FAT3: variants seen among roughly 807,000 people sequenced by gnomAD.
FAT3 encodes the protein FAT atypical cadherin 3, also known as protocadherin Fat 3.
Under a neutral mutation model 310.2 loss-of-function variants are expected in FAT3, and 95 were observed. The observed-to-expected ratio is 0.31, with a 90% CI of 0.26 to 0.36. The LOEUF is 0.36. Among genes scored for constraint, FAT3 ranks in the 10% least tolerant of loss-of-function variants. The probability of loss-of-function intolerance (pLI) is 1.00; values close to 1 mark genes in which losing one functional copy is unlikely to be tolerated. For missense variants in FAT3, 5,408 were observed against 5,715.6 expected (o/e 0.95, Z 1.74); for synonymous variants, 2,314 against 2,192.9 (o/e 1.06, Z -1.54).
chr11:92,450,372 G>T (rs549643765), intron 2 of FAT3, among the ~76,000 whole-genome samples: 13 of 152,172 alleles, frequency 8.5e-5, no homozygotes, highest in Non-Finnish European at 1.8e-4. Flanking sequence ...TCAAGGTCAG[G>T]TGTCTGCTTT....
intron 2 of FAT3, among the ~76,000 whole-genome samples, chr11:92,457,782 T>G (rs1339636573): frequency 2.6e-5 from 4 of 152,006 alleles, no homozygotes; most frequent in Admixed American, 1.3e-4. Context: ...ATTAGCCCGG[T>G]ACGGTGGCGT....
intron 1 of FAT3, among the ~76,000 whole-genome samples, chr11:92,233,437 A>G (rs1182933701): frequency 2.6e-5 from 4 of 152,150 alleles, no homozygotes; most frequent in Non-Finnish European, 5.9e-5. Context: ...GGCCCGTGTC[A>G]TTGTTGGCAA....
At chr11:92,849,308 A>T (rs1239893137) in intron 19 of FAT3, among the ~76,000 whole-genome samples, 2 of 152,180 alleles carry the variant, frequency 1.3e-5, no homozygotes, top group Non-Finnish European at 2.9e-5. Flanking sequence ...CACAGCAGAC[A>T]TCCTATTTTC....
intron 3 of FAT3, among the ~76,000 whole-genome samples, chr11:92,616,102 G>A (rs1940790870): frequency 6.6e-6 from 1 of 152,172 alleles, no homozygotes. Context: ...TTGTTATTGT[G>A]TGAGAGTCTA....
In FAT3 at chr11:92,857,304, C is replaced by T. The variant is rs767965555; in HGVS notation, c.11456C>T (p.Pro3819Leu). ...GTCAGTTATGAAGCCAGCAGGAGAC[C>T]GTTCCTCTGCCAGTGTCCACCAGGG... ...QCVSYEASRR[P>L]FLCQCPPGKL... Residue 3819 changes from proline (P) to leucine (L), a missense_variant, in exon 20 of 28, where the codon CCG becomes CTG. Pro to Leu is a moderately conservative substitution (Grantham distance 98). This residue lies in a region of FAT3 where 4,588 missense variants were observed against 4,809.8 expected (regional missense o/e 0.95). Transcript: ENST00000525166. 8.7e-6 allele frequency: 14 copies of T among 1,613,830 alleles called. No homozygotes were observed. The highest frequency in any genetic ancestry group is 8.3e-5 in the Admixed American group (5 of 60,004).
At chr11:92,874,400 A>G (rs1392314505) in intron 22 of FAT3, among the ~76,000 whole-genome samples, 1 of 152,220 alleles carries the variant, frequency 6.6e-6, no homozygotes, top group East Asian at 1.9e-4. Flanking sequence ...TCTGCTTCCC[A>G]GAGACTGATG....
At chr11:92,297,775 G>C (rs1946888776) in intron 1 of FAT3, among the ~76,000 whole-genome samples, 1 of 152,258 alleles carries the variant, frequency 6.6e-6, no homozygotes, top group Non-Finnish European at 1.5e-5. Context: ...TTGCTCCTGA[G>C]AGCTCATCAA....
At chr11:92,351,624 T>C (rs961401567) in intron 1 of FAT3, among the ~76,000 whole-genome samples, 1 of 152,134 alleles carries the variant, frequency 6.6e-6, no homozygotes. Context: ...GAATACACCA[T>C]GAATTATTCA....
chr11:92,273,479 T>C (rs1017111725), intron 1 of FAT3, among the ~76,000 whole-genome samples: 4 of 152,158 alleles, frequency 2.6e-5, no homozygotes, highest in African/African-American at 9.7e-5. Flanking sequence ...ACTGACACAC[T>C]GAATTGCCAT....
intron 1 of FAT3, among the ~76,000 whole-genome samples, chr11:92,289,740 C>T (rs1946647170): frequency 6.6e-6 from 1 of 151,990 alleles, no homozygotes; most frequent in South Asian, 2.1e-4. Context: ...TAACCCTCAG[C>T]TTTGGGGCCC....
Position 92,416,338 on chromosome 11 carries a change from C to G in FAT3, c.3292+60934C>G, listed in dbSNP as rs572116007. Reference sequence around the variant, plus strand: ...AGCGGAGGTTGCAGTGAGGCGAGATCGCTCCATTGCACTCCAGCCTGGGCG... The same window carrying G: ...AGCGGAGGTTGCAGTGAGGCGAGATGGCTCCATTGCACTCCAGCCTGGGCG... On this transcript the variant is annotated intron_variant, in intron 2 of 27. Transcript: ENST00000525166. Among the ~76,000 whole-genome samples, 23 of 149,142 alleles carry G rather than the reference C, an allele frequency of 1.5e-4. No individual in the cohort carries two copies. In the South Asian group the frequency reaches 4.9e-3, roughly 32 times the overall value.
intron 2 of FAT3, among the ~76,000 whole-genome samples, chr11:92,501,758 C>A (rs1952946542): frequency 6.6e-6 from 1 of 151,978 alleles, no homozygotes; most frequent in Non-Finnish European, 1.5e-5. Flanking sequence ...TGCCTTTGAA[C>A]CTGTACTTCA....
intron 3 of FAT3, 94 bp from the exon 4 acceptor site, chr11:92,697,290 C>T: frequency 1.9e-6 from 2 of 1,054,668 alleles, no homozygotes; most frequent in South Asian, 1.4e-5. Context: ...TTCCATACCA[C>T]TTTTGCTTTT....
At chr11:92,692,123 A>G (rs1213471270) in intron 3 of FAT3, among the ~76,000 whole-genome samples, 1 of 152,164 alleles carries the variant, frequency 6.6e-6, no homozygotes, top group Non-Finnish European at 1.5e-5. Context: ...GCTGAAAAAA[A>G]TTTTTAAAAG....
At chr11:92,230,562 C>T (rs537369594) in intron 1 of FAT3, among the ~76,000 whole-genome samples, 44 of 152,164 alleles carry the variant, frequency 2.9e-4, no homozygotes, top group African/African-American at 8.7e-4. Flanking sequence ...CCAAAGTGCT[C>T]GGATTAGAGG....
chr11:92,354,502 A>G lies in FAT3; in HGVS notation c.2390A>G (p.Tyr797Cys), dbSNP rs777718057. Reference protein sequence around the residue: ...MPMDREHTDLYLLNITIYDLG... With the variant: ...MPMDREHTDLCLLNITIYDLG... ...ATGGATCGAGAACACACAGACCTCTATCTCCTTAATATCACCATCTATGAC... is the reference window on the plus strand; with the variant it reads ...ATGGATCGAGAACACACAGACCTCTGTCTCCTTAATATCACCATCTATGAC... Residue 797 changes from tyrosine (Y) to cysteine (C), a missense_variant, in exon 2 of 28, where the codon TAT becomes TGT. Physicochemically the swap from Tyr to Cys is radical, Grantham distance 194. Transcript: ENST00000525166. 2.0e-5 allele frequency: 32 copies of G among 1,613,756 alleles called. No homozygotes were observed. Among genetic ancestry groups the G allele is most frequent in the South Asian group, 6.6e-5 (6 of 91,086 alleles).
chr11:92,273,455 A>T (rs753102981), intron 1 of FAT3, among the ~76,000 whole-genome samples: 8 of 152,176 alleles, frequency 5.3e-5, no homozygotes, highest in Non-Finnish European at 1.0e-4. Flanking sequence ...TTTGAAGTGC[A>T]ATAAAAGGAA....
intron 2 of FAT3, among the ~76,000 whole-genome samples, chr11:92,415,849 C>CTTTTTTTTTTTTTTTTTTTTT (rs1196695394): frequency 7.1e-5 from 5 of 70,404 alleles, no homozygotes; most frequent in Admixed American, 1.7e-4. Flanking sequence ...AGCATTTTTG[C>CTTTTTTTTTTTTTTTTTTTTT]TTTTTTTTTT....
intron 2 of FAT3, among the ~76,000 whole-genome samples, chr11:92,439,614 C>G (rs1951021464): frequency 1.3e-5 from 2 of 152,042 alleles, no homozygotes. Context: ...TGTCACTATC[C>G]TCCTACTAGA....
Sources: allele counts gnomAD v4.1 joint callset (sites outside exome capture counted in the v4.1 genomes callset), GRCh38; gene constraint gnomAD v4.1.1; regional missense constraint gnomAD v4.1.1; transcripts MANE v1.5; gene names NCBI Gene and HGNC (gene_info 2026-07-23, HGNC 2026-07-21).